UGT2B4: variants seen among roughly 807,000 people sequenced by gnomAD.
The protein encoded by UGT2B4 is UDP glucuronosyltransferase family 2 member B4, also known as UDP-glucuronosyltransferase 2B4.
In UGT2B4, 49 loss-of-function variants were observed where a neutral mutation model predicts 49.8. The ratio of observed to expected loss-of-function variants is 0.98; its 90% CI spans 0.78 to 1.25. The LOEUF (loss-of-function observed/expected upper bound fraction) is 1.25. UGT2B4 is among the 50% of genes most tolerant of loss of function. UGT2B4 has a pLI of 0.00. For missense variants in UGT2B4, 729 were observed against 627.7 expected (o/e 1.16, Z -1.73); for synonymous variants, 246 against 217.7 (o/e 1.13, Z -1.14).
In UGT2B4 at chr4:69,495,400, G is replaced by A. The variant is rs762873692; in HGVS notation, c.462C>T (p.Phe154=). The change falls in exon 1 of 6, where the codon TTC becomes TTT. Residue 154 remains phenylalanine (F), a synonymous_variant. Transcript: ENST00000305107. ...RFDVVLADAV[F]PFGELLAELL... ...ACTCGGCCAGCAGCTCACCAAAGGG[G>A]AAAACAGCATCTGCAAGAACAACAT... 1.2e-6 allele frequency: 2 copies of A among 1,613,948 alleles called. No individual in the cohort carries two copies. Among genetic ancestry groups the A allele is most frequent in the South Asian group, 2.2e-5 (2 of 91,082 alleles).
At chr4:69,518,625 A>T (rs1228949902) in intron 1 of UGT2B4, among the ~76,000 whole-genome samples, 1 of 152,322 alleles carries the variant, frequency 6.6e-6, no homozygotes, top group Non-Finnish European at 1.5e-5. Flanking sequence ...TAAAATAGAG[A>T]TAATTTTATT....
intron 3 of UGT2B4, among the ~76,000 whole-genome samples, chr4:69,486,945 A>G (rs1727804826): frequency 6.6e-6 from 1 of 152,238 alleles, no homozygotes; most frequent in African/African-American, 2.4e-5. Context: ...AAGTATTTAA[A>G]AAGTTGTTAC....
At chr4:69,525,414 A>G (rs1728957579) in intron 1 of UGT2B4, among the ~76,000 whole-genome samples, 1 of 152,204 alleles carries the variant, frequency 6.6e-6, no homozygotes. Flanking sequence ...AATGATCAAA[A>G]CACAGATAAT....
chr4:69,500,907 G>A (rs1272556601), intron 1 of UGT2B4, among the ~76,000 whole-genome samples: 1 of 152,014 alleles, frequency 6.6e-6, no homozygotes, highest in Non-Finnish European at 1.5e-5. Flanking sequence ...GCTCAGGCAT[G>A]TGTAGAGACC....
chr4:69,499,975 G>T (rs537461906), upstream of UGT2B4, among the ~76,000 whole-genome samples: 1 of 152,306 alleles, frequency 6.6e-6, no homozygotes, highest in South Asian at 2.1e-4. Context: ...ATGCACAATA[G>T]CAAAGAGATA....
Position 69,495,346 on chromosome 4 carries a change from G to A in UGT2B4, c.516C>T (p.Leu172=), listed in dbSNP as rs1445640206. 1 of 1,613,554 alleles carries A rather than the reference G, an allele frequency of 6.2e-7. No individual in the cohort carries two copies. Among genetic ancestry groups the A allele is most frequent in the Non-Finnish European group, 8.5e-7 (1 of 1,179,876 alleles). The change falls in exon 1 of 6, where the codon CTC becomes CTT. Residue 172 remains leucine (L), a synonymous_variant. Transcript: ENST00000305107. ...CAATTGCGTAGCCAGGAGAGAAGCG[G>A]AGGCTGTAGACAAAGGGTATTTTAA... is the stretch of plus-strand genomic sequence containing the variant. ...ELLKIPFVYS[L]RFSPGYAIEK... is the part of the protein sequence containing the mutation.
chr4:69,485,864 C>G (rs1038007295), intron 4 of UGT2B4, among the ~76,000 whole-genome samples: 1 of 152,242 alleles, frequency 6.6e-6, no homozygotes, highest in Middle Eastern at 3.4e-3. Context: ...TGGGTTCAGG[C>G]AGTTCTCCTA....
At chr4:69,493,324 A>G (rs1056780073) in intron 2 of UGT2B4, among the ~76,000 whole-genome samples, 11 of 152,102 alleles carry the variant, frequency 7.2e-5, no homozygotes, top group African/African-American at 2.2e-4. Flanking sequence ...CATATATTCT[A>G]TCTTTCAAAA....
chr4:69,499,425 TTC>T (rs1256689105), upstream of UGT2B4, among the ~76,000 whole-genome samples: 4 of 152,150 alleles, frequency 2.6e-5, no homozygotes, highest in Admixed American at 6.5e-5. Flanking sequence ...GTTGTTAATT[TTC>T]TGTTTTGAAA....
rs377673869 is a variant in UGT2B4, at chr4:69,480,675, A to G, written c.1546T>C (p.Trp516Arg). ...FIITKCLFCV[W>R]KFVRTGKKGK... ...TTCTTTCCTGTTCTAACAAACTTCC[A>G]GACACAAAACAGACATTTTGTGATG... The change falls in exon 6 of 6, where the codon TGG (tryptophan) becomes CGG (arginine). Residue 516 changes from tryptophan to arginine, a missense_variant. Trp to Arg is a moderately radical substitution (Grantham distance 101). Transcript: ENST00000305107. The G allele has an allele frequency of 1.9e-6, 3 of 1,614,110 alleles. No homozygotes were observed. Among genetic ancestry groups the G allele is most frequent in the Non-Finnish European group, 2.5e-6 (3 of 1,179,992 alleles).
chr4:69,485,333 C>T lies in UGT2B4; in HGVS notation c.1185G>A (p.Leu395=). The change falls in exon 5 of 6, where the codon TTG becomes TTA. Residue 395 remains leucine, a synonymous_variant. Coordinates refer to ENST00000305107, the MANE Select transcript of UGT2B4 (RefSeq NM_021139.3). ...CAATGTTATCAGGTTGATCTGCAAA[C>T]AATGGAACGCCCACCATAGGGATTC... ...YHGIPMVGVP[L]FADQPDNIAH... The T allele has an allele frequency of 4.3e-6, 7 of 1,614,044 alleles. No individual in the cohort carries two copies. The highest frequency in any genetic ancestry group is 5.9e-6 in the Non-Finnish European group (7 of 1,179,954).
intron 1 of UGT2B4, among the ~76,000 whole-genome samples, chr4:69,514,955 A>C (rs1242302071): frequency 1.3e-5 from 2 of 152,188 alleles, no homozygotes; most frequent in African/African-American, 2.4e-5. Context: ...GAAGGGTTTA[A>C]TTCAACAAGA....
chr4:69,498,718 C>A (rs1204331899), upstream of UGT2B4, among the ~76,000 whole-genome samples: 2 of 152,036 alleles, frequency 1.3e-5, no homozygotes, highest in Non-Finnish European at 2.9e-5. Flanking sequence ...GTCATATCCC[C>A]TTTTATCATT....
intron 2 of UGT2B4, among the ~76,000 whole-genome samples, chr4:69,491,766 G>A (rs1475459744): frequency 1.3e-5 from 2 of 151,966 alleles, no homozygotes; most frequent in African/African-American, 2.4e-5. Context: ...AATGTGAGTG[G>A]GGAAATCTTT....
chr4:69,487,012 C>T (rs891227889), intron 3 of UGT2B4, among the ~76,000 whole-genome samples: 3 of 152,058 alleles, frequency 2.0e-5, no homozygotes, highest in African/African-American at 7.2e-5. Context: ...AGGTTTACAT[C>T]ACTGGTCAAA....
chr4:69,496,391 T>C (rs1416893325), upstream of UGT2B4, among the ~76,000 whole-genome samples: 1 of 152,144 alleles, frequency 6.6e-6, no homozygotes, highest in African/African-American at 2.4e-5. Context: ...ACCTGACTCA[T>C]GTAATATATT....
intron 2 of UGT2B4, among the ~76,000 whole-genome samples, chr4:69,493,387 G>T (rs182716058): frequency 7.2e-4 from 110 of 152,142 alleles, no homozygotes; most frequent in Non-Finnish European, 1.5e-3. Flanking sequence ...CGTACCTGTG[G>T]TGTGTGCTAA....
At chr4:69,486,726 A>G in intron 3 of UGT2B4, 30 bp from the exon 4 acceptor site, 1 of 1,520,464 alleles carries the variant, frequency 6.6e-7, no homozygotes, top group Non-Finnish European at 9.0e-7. Context: ...ATCTTATTCC[A>G]TGAGTGGAAC....
At chr4:69,484,311 T>C (rs1461973412) in intron 5 of UGT2B4, among the ~76,000 whole-genome samples, 1 of 151,978 alleles carries the variant, frequency 6.6e-6, no homozygotes, top group African/African-American at 2.4e-5. Context: ...CCAAAAGAAA[T>C]GAAATCACGT....
Sources: allele counts gnomAD v4.1 joint callset (sites outside exome capture counted in the v4.1 genomes callset), GRCh38; gene constraint gnomAD v4.1.1; transcripts MANE v1.5; gene names NCBI Gene and HGNC (gene_info 2026-07-23, HGNC 2026-07-21).